Variants in MARK1 observed in about 807,000 individuals in gnomAD.
MARK1 encodes microtubule affinity regulating kinase 1.
In MARK1, 40 loss-of-function variants were observed where a neutral mutation model predicts 96.3. The ratio of observed to expected loss-of-function variants is 0.42; its 90% CI spans 0.32 to 0.54. MARK1 has a LOEUF of 0.54. MARK1 is among the 20% of genes least tolerant of loss of function. The pLI is 0.16. For missense variants in MARK1, 719 were observed against 984.6 expected (o/e 0.73, Z 3.61); for synonymous variants, 317 against 341.2 (o/e 0.93, Z 0.78).
At chr1:220,567,943 T>C (rs1663174532) in intron 1 of MARK1, among the ~76,000 whole-genome samples, 1 of 152,146 alleles carries the variant, frequency 6.6e-6, no homozygotes, top group Non-Finnish European at 1.5e-5. Context: ...TTAACTTTTT[T>C]TACTTCAGTT....
intron 1 of MARK1, among the ~76,000 whole-genome samples, chr1:220,554,625 T>G (rs1662120034): frequency 6.6e-6 from 1 of 152,194 alleles, no homozygotes; most frequent in African/African-American, 2.4e-5. Context: ...TTCAGATGTT[T>G]CTTTACTAAC....
intron 3 of MARK1, among the ~76,000 whole-genome samples, chr1:220,593,802 T>C (rs1665151296): frequency 6.6e-6 from 1 of 152,124 alleles, no homozygotes; most frequent in Admixed American, 6.5e-5. Flanking sequence ...CCCATGGAGC[T>C]CCATTTCTGT....
At position 220,650,683 on chromosome 1, in the gene MARK1, G is replaced by C; in HGVS notation, c.1534G>C (p.Asp512His). Reference sequence around the variant, plus strand: ...TACATATGTCTGTGAAAGGACCACAGATCGATACGTAGCATTGCAGAATGG... The same window carrying C: ...TACATATGTCTGTGAAAGGACCACACATCGATACGTAGCATTGCAGAATGG... ...RNTYVCERTT[D>H]RYVALQNGKD... Residue 512 changes from aspartate to histidine, a missense_variant, in exon 14 of 18, where the codon GAT becomes CAT. Asp to His is a moderately conservative substitution (Grantham distance 81, BLOSUM62 -1). Around this residue, in one of 4 missense-constraint regions of MARK1, gnomAD observed 501 missense variants for 588.3 expected, o/e 0.85. Coordinates refer to ENST00000366917, the MANE Select transcript of MARK1 (RefSeq NM_018650.5). 1 of 1,613,824 alleles carries C rather than the reference G, an allele frequency of 6.2e-7. No individual in the cohort carries two copies. The highest frequency in any genetic ancestry group is 1.1e-5 in the South Asian group (1 of 91,064).
chr1:220,645,639 G>A (rs1013194087), intron 13 of MARK1, among the ~76,000 whole-genome samples: 4 of 152,092 alleles, frequency 2.6e-5, no homozygotes, highest in African/African-American at 7.2e-5. Flanking sequence ...GATGAACATC[G>A]ATGCAAAAAT....
intron 3 of MARK1, among the ~76,000 whole-genome samples, chr1:220,585,163 T>C (rs1190319423): frequency 1.3e-5 from 2 of 152,210 alleles, no homozygotes; most frequent in East Asian, 3.8e-4. Flanking sequence ...GCCATGTGAA[T>C]AAATAAGATT....
intron 14 of MARK1, among the ~76,000 whole-genome samples, chr1:220,651,379 T>C (rs1005132550): frequency 6.6e-6 from 1 of 152,156 alleles, no homozygotes; most frequent in African/African-American, 2.4e-5. Flanking sequence ...AATAAGAATG[T>C]AAAGTAAGTG....
intron 1 of MARK1, among the ~76,000 whole-genome samples, chr1:220,550,224 T>C (rs1474911455): frequency 6.6e-6 from 1 of 152,208 alleles, no homozygotes; most frequent in Non-Finnish European, 1.5e-5. Context: ...TGAAGATAAT[T>C]TTCATAATGT....
intron 1 of MARK1, among the ~76,000 whole-genome samples, chr1:220,561,061 T>C (rs1402575147): frequency 6.6e-6 from 1 of 151,966 alleles, no homozygotes; most frequent in African/African-American, 2.4e-5. Flanking sequence ...AAGTTAGGGA[T>C]GTTTGCAAAG....
At position 220,628,709 on chromosome 1, in the gene MARK1, G is replaced by A. The variant is rs566759134; in HGVS notation, c.910-2326G>A. Reference sequence around the variant, plus strand: ...GCACCCACCCCACAACTTTTGTACAGCATCCTCTGTAGGCTAAGGATTCCT... The same window carrying A: ...GCACCCACCCCACAACTTTTGTACAACATCCTCTGTAGGCTAAGGATTCCT... On this transcript the variant is annotated intron_variant, in intron 9 of 17. Transcript: ENST00000366917. Among the ~76,000 whole-genome samples the A allele has an allele frequency of 2.5e-4, 38 of 152,144 alleles. 1 individual carries two copies. The East Asian group carries it at 6.6e-3, about 26-fold the overall frequency.
intron 1 of MARK1, among the ~76,000 whole-genome samples, chr1:220,568,900 T>G (rs1156839981): frequency 1.3e-5 from 2 of 152,192 alleles, no homozygotes; most frequent in Non-Finnish European, 2.9e-5. Context: ...CATTTGTGAC[T>G]ATGTCTGTAA....
At chr1:220,631,691 A>G (rs1667687970) in intron 10 of MARK1, among the ~76,000 whole-genome samples, 1 of 152,082 alleles carries the variant, frequency 6.6e-6, no homozygotes, top group Non-Finnish European at 1.5e-5. Context: ...CTGTGTTCCT[A>G]TCTGGCTTGA....
chr1:220,540,562 A>G (rs1558245006), intron 1 of MARK1, among the ~76,000 whole-genome samples: 1 of 152,228 alleles, frequency 6.6e-6, no homozygotes, highest in Non-Finnish European at 1.5e-5. Flanking sequence ...AAAATTAACT[A>G]TCACGGTAAG....
rs796294299 is a variant in MARK1, at chr1:220,561,884, A to G, written c.52-17470A>G. Among the ~76,000 whole-genome samples the G allele has an allele frequency of 2.6e-4, 39 of 152,314 alleles. 1 individual carries two copies. The highest frequency in any genetic ancestry group is 7.7e-4 in the African/African-American group (32 of 41,576). ...AGAAAATTAATAAAAATAAAAATCTATTGGCAATGGATGACATTGCGAGCT... is the reference window on the plus strand; with the variant it reads ...AGAAAATTAATAAAAATAAAAATCTGTTGGCAATGGATGACATTGCGAGCT... On this transcript the variant is annotated intron_variant, in intron 1 of 17. Transcript: ENST00000366917.
At chr1:220,646,843 C>T (rs976626687) in intron 13 of MARK1, among the ~76,000 whole-genome samples, 2 of 152,190 alleles carry the variant, frequency 1.3e-5, no homozygotes, top group Non-Finnish European at 2.9e-5. Context: ...GGAGAACTAG[C>T]TAGCCATATG....
intron 4 of MARK1, 51 bp downstream of exon 4, chr1:220,598,430 A>G: frequency 4.4e-6 from 1 of 225,492 alleles, no homozygotes; most frequent in Non-Finnish European, 9.0e-6. Flanking sequence ...TTAGCGATGA[A>G]GTGTTTTCCT....
intron 1 of MARK1, among the ~76,000 whole-genome samples, chr1:220,565,373 A>T (rs1662972023): frequency 6.6e-6 from 1 of 152,156 alleles, no homozygotes; most frequent in South Asian, 2.1e-4. Context: ...TCCCTATGGT[A>T]ATATCCAGAG....
chr1:220,618,848 A>T lies in MARK1; in HGVS notation c.909+93A>T. On this transcript the variant is annotated intron_variant, in intron 9 of 17. Transcript: ENST00000366917. This position sits in a 1 kb window ranked among gnomAD's most constrained non-coding sequence, Gnocchi z 4.6. ...TTTTCTCCTATGTTTTCTTAGGAAA[A>T]TTGCCAAATTATCTAATCTGCCTTT... The T allele has an allele frequency of 1.5e-5, 17 of 1,132,320 alleles. 1 individual carries two copies. The highest frequency in any genetic ancestry group is 2.1e-5 in the Non-Finnish European group (17 of 823,102). 70.1% of individuals were successfully genotyped at this position (1,132,320 alleles called of 1,614,324 possible).
intron 6 of MARK1, among the ~76,000 whole-genome samples, chr1:220,608,974 A>G (rs894584655): frequency 2.0e-5 from 3 of 152,194 alleles, no homozygotes; most frequent in African/African-American, 7.2e-5. Context: ...CTTTACTTCC[A>G]AGTATGTGGA....
At chr1:220,578,488 C>G (rs12040270) in intron 1 of MARK1, among the ~76,000 whole-genome samples, 2 of 152,252 alleles carry the variant, frequency 1.3e-5, no homozygotes, top group East Asian at 3.9e-4. Context: ...CTGGGCAGGA[C>G]TATAGATAGC....
Sources: gnomAD v4.1 joint callset for allele counts (sites outside exome capture counted in the v4.1 genomes callset) on GRCh38, gnomAD v4.1.1 for gene constraint, gnomAD v4.1.1 regional missense constraint, Gnocchi (gnomAD v3.1) non-coding constraint, MANE v1.5 for transcripts, NCBI Gene and HGNC (gene_info 2026-07-23, HGNC 2026-07-21) for gene names.